Variants in KCNQ1 observed in about 807,000 individuals in gnomAD.
KCNQ1 encodes potassium voltage-gated channel subfamily Q member 1, also known as potassium voltage-gated channel subfamily KQT member 1.
Under a neutral mutation model 72.4 loss-of-function variants are expected in KCNQ1, and 49 were observed. That is an observed-to-expected ratio of 0.68 (90% CI 0.54 to 0.86). The LOEUF is 0.86. Among genes scored for constraint, KCNQ1 ranks in the 40% least tolerant of loss-of-function variants. The pLI is 0.00. For synonymous variants in KCNQ1, 450 were observed against 412.6 expected, an observed-to-expected ratio of 1.09 and a Z score of -1.10; for missense variants, 790 against 945.1, an observed-to-expected ratio of 0.84 and a Z score of 2.15.
intron 10 of KCNQ1, chr11:2,631,979 G>A (rs1485762998): frequency 1.8e-5 from 7 of 395,994 alleles, no homozygotes; most frequent in East Asian, 3.6e-5. Context: ...TCAGGAGATC[G>A]AGACCATCCT....
At position 2,673,305 on chromosome 11, in the gene KCNQ1, A is replaced by G. The variant is rs1850220469; in HGVS notation, c.1514+11224A>G. 7.5e-6 allele frequency: 3 copies of G among 398,768 alleles called. No homozygotes were observed. The highest frequency in any genetic ancestry group is 8.8e-5 in the Admixed American group (2 of 22,740). The allele number at this position is 398,768 out of a possible 1,614,324, so 24.7% of individuals were successfully genotyped here. On this transcript the variant is annotated intron_variant, in intron 11 of 15. Transcript: ENST00000155840. This position sits in a 1 kb window ranked among gnomAD's most constrained non-coding sequence, Gnocchi z 4.5. Reference sequence around the variant, plus strand: ...CCTAGAAGAAATCTTGAGAGAAACAATCCCACAGGCTACCAGGCCAGCTTT... The same window carrying G: ...CCTAGAAGAAATCTTGAGAGAAACAGTCCCACAGGCTACCAGGCCAGCTTT...
In KCNQ1 at chr11:2,711,525, C is replaced by T. The variant is rs539266016; in HGVS notation, c.1514+49444C>T. Among the ~76,000 whole-genome samples the T allele has an allele frequency of 6.6e-6, 1 of 152,118 alleles. No individual in the cohort carries two copies. Among genetic ancestry groups the T allele is most frequent in the Non-Finnish European group, 1.5e-5 (1 of 68,020 alleles). On this transcript the variant is annotated intron_variant, in intron 11 of 15. Transcript: ENST00000155840. The surrounding 1 kb of genome is among the most constrained non-coding windows in gnomAD (Gnocchi z 5.4). The stretch of plus-strand genomic sequence containing the variant: ...TGGCAGCTTGTGGAATCTTCTCAAC[C>T]TTGGGTGTCGCCTGCCCAGAACGGG...
At position 2,552,858 on chromosome 11, in the gene KCNQ1, C is replaced by A. The variant is rs369435059; in HGVS notation, c.478-17770C>A. 4.4e-4 allele frequency among the ~76,000 whole-genome samples: 67 copies of A among 152,344 alleles called. 1 individual carries two copies. The South Asian group carries it at 0.013, about 31-fold the overall frequency. On this transcript the variant is annotated intron_variant, in intron 2 of 15. Coordinates refer to ENST00000155840, the MANE Select transcript of KCNQ1 (RefSeq NM_000218.3). ...GTGCCTCATGCACGTCTTAGTAATA[C>A]CGAGTTTTCTGATCCACGAACACGG...
Position 2,642,816 on chromosome 11 carries a change from C to G in KCNQ1, c.1394-19145C>G, listed in dbSNP as rs944571950. 11 of 397,632 alleles carry G rather than the reference C, an allele frequency of 2.8e-5. No individual in the cohort carries two copies. The highest frequency in any genetic ancestry group is 1.3e-3 in the Middle Eastern group (2 of 1,600). 24.6% of individuals were successfully genotyped at this position (397,632 alleles called of 1,614,324 possible). ...GGCATTTATTACAATAAACTTTCCT[C>G]TTAGCATTGCTTTTGCAGTATCCCT... On this transcript the variant is annotated intron_variant, in intron 10 of 15. Coordinates refer to ENST00000155840, the MANE Select transcript of KCNQ1 (RefSeq NM_000218.3). The surrounding 1 kb of genome is among the most constrained non-coding windows in gnomAD (Gnocchi z 4.3).
At chr11:2,820,208 G>A (rs963757601) in intron 15 of KCNQ1, among the ~76,000 whole-genome samples, 3 of 151,884 alleles carry the variant, frequency 2.0e-5, no homozygotes, top group East Asian at 3.8e-4. Context: ...AATTGCCATC[G>A]ATACTTCTCC....
intron 1 of KCNQ1, among the ~76,000 whole-genome samples, chr11:2,449,296 G>C (rs1040257667): frequency 2.0e-5 from 3 of 152,372 alleles, no homozygotes; most frequent in African/African-American, 7.2e-5. Context: ...CAACCCTGGG[G>C]TACTGGGGGC....
Position 2,471,872 on chromosome 11 carries a change from G to T in KCNQ1, c.386+26388G>T, listed in dbSNP as rs1407097298. On this transcript the variant is annotated intron_variant, in intron 1 of 15. Transcript: ENST00000155840. This position sits in a 1 kb window ranked among gnomAD's most constrained non-coding sequence, Gnocchi z 4.8. The stretch of plus-strand genomic sequence containing the variant: ...TATAGGTGTGTGTGTTTATGTATGG[G>T]TGTGTGTGCACATGTGTATAGGTGT... Among the ~76,000 whole-genome samples the T allele has an allele frequency of 6.6e-6, 1 of 151,286 alleles. No individual in the cohort carries two copies. Among genetic ancestry groups the T allele is most frequent in the Non-Finnish European group, 1.5e-5 (1 of 67,932 alleles).
intron 15 of KCNQ1, among the ~76,000 whole-genome samples, chr11:2,799,440 G>A (rs112998974): frequency 0.01 from 1,531 of 152,026 alleles, 22 homozygotes; most frequent in African/African-American, 0.035. Context: ...TGGACACAGT[G>A]TGTGTTGGCA....
At chr11:2,737,904 T>C (rs544773293) in intron 11 of KCNQ1, among the ~76,000 whole-genome samples, 2 of 152,172 alleles carry the variant, frequency 1.3e-5, no homozygotes, top group South Asian at 4.2e-4. Context: ...AAGGGGTTGG[T>C]GCCCCCTGCC....
At position 2,624,748 on chromosome 11, in the gene KCNQ1, C is replaced by CA. The variant is rs1849236465; in HGVS notation, c.1393+35895dup. ...TTAAACAATAATTCCCCAACCCCCC[C>CA]ACCACCGCCATCTCTTGGAAACCAC... On this transcript the variant is annotated intron_variant, in intron 10 of 15. Coordinates refer to ENST00000155840, the MANE Select transcript of KCNQ1 (RefSeq NM_000218.3). The surrounding 1 kb of genome is among the most constrained non-coding windows in gnomAD (Gnocchi z 4.9). The CA allele has an allele frequency of 2.5e-6, 1 of 398,370 alleles. No homozygotes were observed. Among genetic ancestry groups the CA allele is most frequent in the African/African-American group, 2.1e-5 (1 of 48,596 alleles). 24.7% of individuals were successfully genotyped at this position (398,370 alleles called of 1,614,324 possible).
chr11:2,795,324 G>T (rs1847109792), intron 15 of KCNQ1, among the ~76,000 whole-genome samples: 2 of 152,250 alleles, frequency 1.3e-5, no homozygotes, highest in South Asian at 2.1e-4. Context: ...GTCTGGGGAG[G>T]CCACGGACAG....
Position 2,516,660 on chromosome 11 carries a change from A to C in KCNQ1, c.387-11268A>C. On this transcript the variant is annotated intron_variant, in intron 1 of 15. Transcript: ENST00000155840. This position sits in a 1 kb window ranked among gnomAD's most constrained non-coding sequence, Gnocchi z 7.0. ...GCCAGAGCCCTGGGTTCTCAGCAGG[A>C]CTCTTTGCCGGGATCCTCATGCTAC... is the stretch of plus-strand genomic sequence containing the variant. Among the ~76,000 whole-genome samples the C allele has an allele frequency of 6.6e-6, 1 of 151,514 alleles. No homozygotes were observed.
rs1376218076 is a variant in KCNQ1, at chr11:2,679,421, C to T, written c.1514+17340C>T. On this transcript the variant is annotated intron_variant, in intron 11 of 15. Transcript: ENST00000155840. The surrounding 1 kb of genome is among the most constrained non-coding windows in gnomAD (Gnocchi z 4.8). The stretch of plus-strand genomic sequence containing the variant: ...AAATGGGAATCATAAGAGTACCTTC[C>T]TCAGAGGGTTGTTAGGAGGATTACA... 2.5e-6 allele frequency: 1 copy of T among 398,464 alleles called. No individual in the cohort carries two copies. Among genetic ancestry groups the T allele is most frequent in the Admixed American group, 4.4e-5 (1 of 22,704 alleles). The allele number at this position is 398,464 out of a possible 1,614,324, so 24.7% of individuals were successfully genotyped here.
rs1445644328 is a variant in KCNQ1 at position 2,538,942 on chromosome 11, G to T, written c.477+10924G>T. Among the ~76,000 whole-genome samples, 10 of 152,162 alleles carry T rather than the reference G, an allele frequency of 6.6e-5. No individual in the cohort carries two copies. Among genetic ancestry groups the T allele is most frequent in the Admixed American group, 5.2e-4 (8 of 15,286 alleles). ...TGTGAGAATGGGGTTGACACCCCTGGGCTGGAACCTGGGAACCACCAGTCA... is the reference window on the plus strand; with the variant it reads ...TGTGAGAATGGGGTTGACACCCCTGTGCTGGAACCTGGGAACCACCAGTCA... On this transcript the variant is annotated intron_variant, in intron 2 of 15. Coordinates refer to ENST00000155840, the MANE Select transcript of KCNQ1 (RefSeq NM_000218.3). This position sits in a 1 kb window ranked among gnomAD's most constrained non-coding sequence, Gnocchi z 6.7.
intron 10 of KCNQ1, among the ~76,000 whole-genome samples, chr11:2,604,922 G>T (rs1290466030): frequency 6.6e-6 from 1 of 152,148 alleles, no homozygotes; most frequent in Non-Finnish European, 1.5e-5. Context: ...CAGCATATGA[G>T]CACTGCGCAA....
chr11:2,701,644 G>T (rs1850817528), intron 11 of KCNQ1, among the ~76,000 whole-genome samples: 1 of 152,206 alleles, frequency 6.6e-6, no homozygotes, highest in African/African-American at 2.4e-5. Context: ...AATGGAGCTT[G>T]GAACTTCAGC....
Position 2,509,608 on chromosome 11 carries a change from G to T in KCNQ1, c.387-18320G>T, listed in dbSNP as rs956270697. Among the ~76,000 whole-genome samples, 1 of 152,188 alleles carries T rather than the reference G, an allele frequency of 6.6e-6. No homozygotes were observed. Among genetic ancestry groups the T allele is most frequent in the African/African-American group, 2.4e-5 (1 of 41,450 alleles). ...GTGTGAGGGCAGTAGTGCAGGTCGT[G>T]GTCCCAGATGGCCACGGAGGTGTCA... On this transcript the variant is annotated intron_variant, in intron 1 of 15. Transcript: ENST00000155840. The surrounding 1 kb of genome is among the most constrained non-coding windows in gnomAD (Gnocchi z 6.3).
chr11:2,665,485 T>C, intron 11 of KCNQ1: 1 of 395,934 alleles, frequency 2.5e-6, no homozygotes, highest in Non-Finnish European at 4.4e-6. Flanking sequence ...GTGCCATGCC[T>C]GTGTGCATCC....
At chr11:2,634,006 G>A (rs920882610) in intron 10 of KCNQ1, 7 of 398,480 alleles carry the variant, frequency 1.8e-5, no homozygotes, top group Non-Finnish European at 3.1e-5. Flanking sequence ...GTATTTTGAT[G>A]TCAGGCAGTG....
Sources: gnomAD v4.1 joint callset for allele counts (sites outside exome capture counted in the v4.1 genomes callset) on GRCh38, gnomAD v4.1.1 for gene constraint, Gnocchi (gnomAD v3.1) non-coding constraint, MANE v1.5 for transcripts, NCBI Gene and HGNC (gene_info 2026-07-23, HGNC 2026-07-21) for gene names.